The following NFXL1 variants were observed in gnomAD, a reference collection of about 807,000 sequenced individuals.
The protein encoded by NFXL1 is NF-X1-type zinc finger protein NFXL1.
A neutral mutation model predicts 123.3 loss-of-function variants in NFXL1; 66 were observed. The observed-to-expected ratio is 0.54, with a 90% CI of 0.44 to 0.66. NFXL1 has a LOEUF of 0.66. Ranked by LOEUF, NFXL1 falls within the 30% of genes least tolerant of loss-of-function variation. NFXL1 has a pLI of 0.00. For synonymous variants in NFXL1, 346 were observed against 360.8 expected (o/e 0.96, Z 0.46); for missense variants, 944 against 1,125.6 (o/e 0.84, Z 2.31).
intron 15 of NFXL1, among the ~76,000 whole-genome samples, chr4:47,882,978 A>T (rs987805377): frequency 6.6e-6 from 1 of 152,214 alleles, no homozygotes; most frequent in Non-Finnish European, 1.5e-5. Flanking sequence ...AGGAGCAGGC[A>T]TCCTAGTCTT....
chr4:47,897,034 A>T (rs1174893527), intron 9 of NFXL1, among the ~76,000 whole-genome samples: 1 of 152,164 alleles, frequency 6.6e-6, no homozygotes, highest in Non-Finnish European at 1.5e-5. Context: ...TCTTTAAAAC[A>T]CCACCTGGCT....
chr4:47,865,773 C>T (rs1287856967), intron 18 of NFXL1, among the ~76,000 whole-genome samples: 7 of 143,490 alleles, frequency 4.9e-5, no homozygotes, highest in African/African-American at 2.1e-4. Flanking sequence ...GGTGAACTGC[C>T]GGAGGCCGAG....
chr4:47,867,665 G>A (rs1401641500), intron 18 of NFXL1, among the ~76,000 whole-genome samples: 1 of 150,634 alleles, frequency 6.6e-6, no homozygotes, highest in Admixed American at 6.7e-5. Flanking sequence ...GGAGGGAAGT[G>A]AAGGAGAAAG....
chr4:47,899,091 T>C lies in NFXL1; in HGVS notation c.856A>G (p.Thr286Ala), dbSNP rs768654225. The C allele has an allele frequency of 1.2e-6, 2 of 1,608,684 alleles. No individual in the cohort carries two copies. The highest frequency in any genetic ancestry group is 1.7e-6 in the Non-Finnish European group (2 of 1,179,088). The change falls in exon 7 of 23, where the codon ACA becomes GCA. Residue 286 changes from threonine to alanine, a missense_variant. Coordinates refer to ENST00000507489, the MANE Select transcript of NFXL1 (RefSeq NM_001278624.2). ...GCTTTCTTACAGTAACAAGTAGTTG[T>C]GACCATCTTTGGACAAGGAGGGCAG... Reference protein sequence around the residue: ...GPCPPCPKMVTTTCYCKKAKP... With the variant: ...GPCPPCPKMVATTCYCKKAKP...
rs1212242215 is a variant in NFXL1, at chr4:47,898,769, C to T, written c.1077G>A (p.Trp359Ter). 1.9e-6 allele frequency: 3 copies of T among 1,604,550 alleles called. No individual in the cohort carries two copies. The highest frequency in any genetic ancestry group is 1.7e-5 in the Admixed American group (1 of 59,978). ...CATATAAACTTACTTGATCACAGTG[C>T]CATAGTGGACTTGCACAACTTCTTT... ...VAERSCASPLWHCDQVCGKTL... is the reference protein window; with the variant it reads ...VAERSCASPL Residue 359 changes from tryptophan to a stop codon, truncating the protein, a stop_gained, in exon 8 of 23, where the codon TGG becomes TGA. Coordinates refer to ENST00000507489, the MANE Select transcript of NFXL1 (RefSeq NM_001278624.2). LOFTEE classifies it high-confidence loss of function.
chr4:47,871,672 G>A (rs1461707614), intron 18 of NFXL1, among the ~76,000 whole-genome samples: 1 of 152,162 alleles, frequency 6.6e-6, no homozygotes, highest in Admixed American at 6.5e-5. Context: ...CATTAATAAT[G>A]TAAAATTGCC....
At chr4:47,903,092 T>C (rs1282864128) in intron 5 of NFXL1, 101 bp downstream of exon 5, 6 of 632,158 alleles carry the variant, frequency 9.5e-6, no homozygotes, top group East Asian at 7.5e-5. Context: ...GAGGTGGAGG[T>C]TGCAGTGAGC....
chr4:47,899,266 T>C, intron 6 of NFXL1, 104 bp downstream of exon 6: 2 of 1,313,650 alleles, frequency 1.5e-6, no homozygotes, highest in Non-Finnish European at 2.1e-6. Context: ...TATTTTCTCA[T>C]GGCAAACTAA....
rs546117120 is a variant in NFXL1, at chr4:47,914,037, G to A, written c.167C>T (p.Thr56Ile). ...GTGCCTGCTCCCTGCAGCCGCCGTG[G>A]TCGCGACTCCTCCGGGACTGGTGCC... ...PSGTSPGGVA[T>I]TAAAGSRHSP... Residue 56 changes from threonine (T) to isoleucine (I), a missense_variant, in exon 2 of 23, where the codon ACC becomes ATC. Transcript: ENST00000507489. 2 of 1,549,338 alleles carry A rather than the reference G, an allele frequency of 1.3e-6. No homozygotes were observed. Among genetic ancestry groups the A allele is most frequent in the African/African-American group, 2.7e-5 (2 of 73,120 alleles).
intron 18 of NFXL1, among the ~76,000 whole-genome samples, chr4:47,872,585 C>T (rs904310064): frequency 2.0e-5 from 3 of 152,070 alleles, no homozygotes; most frequent in African/African-American, 7.2e-5. Flanking sequence ...GCAAGTCACA[C>T]ACATTTTTTG....
intron 4 of NFXL1, 29 bp downstream of exon 4, chr4:47,905,208 C>A (rs770369999): frequency 9.8e-6 from 9 of 921,442 alleles, no homozygotes; most frequent in Non-Finnish European, 1.6e-5. Flanking sequence ...TGGGGAGATA[C>A]ATTAATATAA....
intron 15 of NFXL1, among the ~76,000 whole-genome samples, chr4:47,879,514 A>G (rs1224233372): frequency 6.6e-6 from 1 of 152,208 alleles, no homozygotes; most frequent in African/African-American, 2.4e-5. Context: ...AATTTGATCC[A>G]GATTCAACAT....
At chr4:47,905,812 T>C (rs948215461) in intron 3 of NFXL1, among the ~76,000 whole-genome samples, 18 of 152,132 alleles carry the variant, frequency 1.2e-4, no homozygotes, top group African/African-American at 4.3e-4. Context: ...TAAAAAGTTG[T>C]TGAATGAAAA....
chr4:47,852,837 T>C (rs1734201221), intron 20 of NFXL1, among the ~76,000 whole-genome samples: 2 of 152,100 alleles, frequency 1.3e-5, no homozygotes, highest in Non-Finnish European at 2.9e-5. Context: ...GTTTCTCCTG[T>C]CTCACCAGAC....
intron 12 of NFXL1, among the ~76,000 whole-genome samples, chr4:47,887,206 C>CT (rs1310899983): frequency 6.6e-6 from 1 of 152,104 alleles, no homozygotes; most frequent in African/African-American, 2.4e-5. Flanking sequence ...GTAAGGAACT[C>CT]TATCAGAAAT....
chr4:47,901,553 T>C (rs1737356804), intron 5 of NFXL1, among the ~76,000 whole-genome samples: 1 of 152,072 alleles, frequency 6.6e-6, no homozygotes. Context: ...CCACCACCAG[T>C]AAATAATATG....
intron 12 of NFXL1, among the ~76,000 whole-genome samples, chr4:47,887,616 G>T (rs1234388358): frequency 1.3e-5 from 2 of 152,082 alleles, no homozygotes; most frequent in African/African-American, 2.4e-5. Context: ...TTTTAAAGTT[G>T]ATAGTGATAT....
chr4:47,895,426 T>C (rs529682681), intron 10 of NFXL1, among the ~76,000 whole-genome samples: 40 of 152,354 alleles, frequency 2.6e-4, no homozygotes, highest in Middle Eastern at 3.4e-3. Context: ...TTTTGTTCAA[T>C]ATAGCCACCT....
chr4:47,887,186 A>G (rs1425739115), intron 12 of NFXL1, among the ~76,000 whole-genome samples: 2 of 152,206 alleles, frequency 1.3e-5, no homozygotes. Flanking sequence ...CTTCCACTCT[A>G]GTTTTCCCAG....
Sources: allele counts gnomAD v4.1 joint callset (sites outside exome capture counted in the v4.1 genomes callset), GRCh38; gene constraint gnomAD v4.1.1; transcripts MANE v1.5; gene names NCBI Gene and HGNC (gene_info 2026-07-23, HGNC 2026-07-21).